Variants in PCSK2 observed in about 807,000 individuals in gnomAD.
The protein encoded by PCSK2 is neuroendocrine convertase 2.
In PCSK2, 14 loss-of-function variants were observed where a neutral mutation model predicts 69.7. The observed-to-expected ratio is 0.20, with a 90% CI of 0.13 to 0.31. The LOEUF (loss-of-function observed/expected upper bound fraction) is 0.31. Ranked by LOEUF, PCSK2 falls within the 10% of genes least tolerant of loss-of-function variation. The pLI is 1.00. For missense variants in PCSK2, 544 were observed against 842.5 expected, an observed-to-expected ratio of 0.65 and a Z score of 4.39; for synonymous variants, 307 against 320.7, an observed-to-expected ratio of 0.96 and a Z score of 0.46.
chr20:17,421,052 A>T (rs1338518390), intron 6 of PCSK2, among the ~76,000 whole-genome samples: 5 of 152,258 alleles, frequency 3.3e-5, no homozygotes, highest in Non-Finnish European at 1.5e-5. Flanking sequence ...TTTCTCAGAC[A>T]TCTGCTCTCT....
chr20:17,443,819 C>T lies in PCSK2; in HGVS notation c.885+6936C>T, dbSNP rs939823145. On this transcript the variant is annotated intron_variant, in intron 8 of 11. Coordinates refer to ENST00000262545, the MANE Select transcript of PCSK2 (RefSeq NM_002594.5). ...ATTGTCCTGCAAAGCATGCCGAGCC[C>T]GCTGAAGCTTAAGAGAAAAATTGTT... Among the ~76,000 whole-genome samples, 6 of 152,280 alleles carry T rather than the reference C, an allele frequency of 3.9e-5. No individual in the cohort carries two copies. The South Asian group carries it at 1.2e-3, about 32-fold the overall frequency.
At chr20:17,477,743 CA>C (rs2033317125) in intron 11 of PCSK2, among the ~76,000 whole-genome samples, 1 of 152,180 alleles carries the variant, frequency 6.6e-6, no homozygotes, top group African/African-American at 2.4e-5. Context: ...CTCCAAAATT[CA>C]ATGAGTTATG....
At chr20:17,286,169 T>C (rs1988504421) in intron 2 of PCSK2, among the ~76,000 whole-genome samples, 1 of 152,210 alleles carries the variant, frequency 6.6e-6, no homozygotes, top group Non-Finnish European at 1.5e-5. Context: ...AAGGTTTGGA[T>C]AATGAAGTAA....
At chr20:17,443,760 C>A (rs2032642991) in intron 8 of PCSK2, among the ~76,000 whole-genome samples, 2 of 152,150 alleles carry the variant, frequency 1.3e-5, no homozygotes, top group African/African-American at 4.8e-5. Flanking sequence ...CTGTAGCCTC[C>A]CTGGCTGCAG....
intron 7 of PCSK2, 131 bp from the exon 8 acceptor site, chr20:17,436,577 G>T (rs912938674): frequency 2.7e-5 from 19 of 697,826 alleles, no homozygotes; most frequent in Non-Finnish European, 4.6e-5. Context: ...TCCCTGGACT[G>T]CACAGTGGCC....
Position 17,312,826 on chromosome 20 carries a change from A to G in PCSK2, c.283-45501A>G, listed in dbSNP as rs1383237997. On this transcript the variant is annotated intron_variant, in intron 2 of 11. Coordinates refer to ENST00000262545, the MANE Select transcript of PCSK2 (RefSeq NM_002594.5). Reference sequence around the variant, plus strand: ...ACAATTAAACTAGGAAATAGAGCAGATAAACTCTGTGTCTAGAATTCTAAA... The same window carrying G: ...ACAATTAAACTAGGAAATAGAGCAGGTAAACTCTGTGTCTAGAATTCTAAA... 2.6e-5 allele frequency among the ~76,000 whole-genome samples: 4 copies of G among 152,276 alleles called. No individual in the cohort carries two copies. In the East Asian group the frequency reaches 7.7e-4, roughly 29 times the overall value.
In PCSK2 at chr20:17,249,341, C is replaced by G. The variant is rs144854171; in HGVS notation, c.178-10899C>G. On this transcript the variant is annotated intron_variant, in intron 1 of 11. Transcript: ENST00000262545. ...CTAACATGGTGAAACCCCGTCTGTACTAAAAATACAAAAAAATTAGCCAGG... is the reference window on the plus strand; with the variant it reads ...CTAACATGGTGAAACCCCGTCTGTAGTAAAAATACAAAAAAATTAGCCAGG... Among the ~76,000 whole-genome samples the G allele has an allele frequency of 9.4e-3, 1,426 of 151,756 alleles. 17 individuals carry two copies. The highest frequency in any genetic ancestry group is 0.032 in the African/African-American group (1,308 of 41,380).
chr20:17,426,529 C>A (rs1415272191), intron 6 of PCSK2, among the ~76,000 whole-genome samples: 2 of 152,112 alleles, frequency 1.3e-5, no homozygotes, highest in Admixed American at 1.3e-4. Context: ...AGAACAGAAC[C>A]AGTAGGATGT....
chr20:17,300,508 G>T (rs1989044236), intron 2 of PCSK2, among the ~76,000 whole-genome samples: 1 of 152,208 alleles, frequency 6.6e-6, no homozygotes. Flanking sequence ...TACAGCCCAA[G>T]TATAGGTTTC....
intron 2 of PCSK2, among the ~76,000 whole-genome samples, chr20:17,266,204 T>G (rs2123011932): frequency 6.6e-6 from 1 of 152,338 alleles, no homozygotes; most frequent in Middle Eastern, 3.4e-3. Flanking sequence ...TCTGCTCAAT[T>G]TGCTTATGCC....
intron 1 of PCSK2, among the ~76,000 whole-genome samples, chr20:17,243,003 GT>G (rs1383054207): frequency 6.6e-6 from 1 of 152,118 alleles, no homozygotes; most frequent in Admixed American, 6.5e-5. Context: ...TTCTTGTTCA[GT>G]AGTTTTGATT....
Position 17,319,478 on chromosome 20 carries a change from A to T in PCSK2, c.283-38849A>T, listed in dbSNP as rs117486361. On this transcript the variant is annotated intron_variant, in intron 2 of 11. Coordinates refer to ENST00000262545, the MANE Select transcript of PCSK2 (RefSeq NM_002594.5). ...AGGTGCAAGGGATTGGGCCCTGTAT[A>T]TCTCCAACAGAGTAGCCCAAGATTG... is the stretch of plus-strand genomic sequence containing the variant. 3.7e-3 allele frequency among the ~76,000 whole-genome samples: 566 copies of T among 152,322 alleles called. 1 individual carries two copies. The highest frequency in any genetic ancestry group is 5.6e-3 in the Non-Finnish European group (384 of 68,026).
At chr20:17,461,257 G>C (rs1274835037) in intron 10 of PCSK2, among the ~76,000 whole-genome samples, 1 of 152,006 alleles carries the variant, frequency 6.6e-6, no homozygotes, top group Admixed American at 6.5e-5. Context: ...GCAAACAAAG[G>C]CTATGGAGAA....
intron 6 of PCSK2, among the ~76,000 whole-genome samples, chr20:17,424,536 A>G (rs929606718): frequency 6.6e-6 from 1 of 152,144 alleles, no homozygotes; most frequent in African/African-American, 2.4e-5. Context: ...TCTGTCGCCC[A>G]GGCTGGAGTG....
At chr20:17,318,089 C>G (rs946866997) in intron 2 of PCSK2, among the ~76,000 whole-genome samples, 5 of 152,234 alleles carry the variant, frequency 3.3e-5, no homozygotes, top group African/African-American at 1.2e-4. Context: ...AGTTGCACGA[C>G]TGGATGTGTT....
intron 2 of PCSK2, among the ~76,000 whole-genome samples, chr20:17,265,911 A>G (rs1458980813): frequency 1.3e-5 from 2 of 152,226 alleles, no homozygotes; most frequent in African/African-American, 4.8e-5. Flanking sequence ...CCACACAGCT[A>G]TAACTGATAG....
At chr20:17,314,570 G>A (rs554310333) in intron 2 of PCSK2, among the ~76,000 whole-genome samples, 1 of 152,350 alleles carries the variant, frequency 6.6e-6, no homozygotes, top group African/African-American at 2.4e-5. Context: ...GTGGCCTAAA[G>A]TGAGGCGTGA....
At chr20:17,425,843 G>A (rs551336805) in intron 6 of PCSK2, among the ~76,000 whole-genome samples, 2 of 151,982 alleles carry the variant, frequency 1.3e-5, no homozygotes, top group African/African-American at 2.4e-5. Context: ...ATTGCCCAAG[G>A]GTAATTTTTA....
chr20:17,465,163 T>C, intron 10 of PCSK2, 163 bp from the exon 11 acceptor site: 1 of 674,476 alleles, frequency 1.5e-6, no homozygotes, highest in Non-Finnish European at 2.7e-6. Flanking sequence ...TGGTTTTGAA[T>C]GGTGCATGGA....
Sources: allele counts gnomAD v4.1 joint callset (sites outside exome capture counted in the v4.1 genomes callset), GRCh38; gene constraint gnomAD v4.1.1; transcripts MANE v1.5; gene names NCBI Gene and HGNC (gene_info 2026-07-23, HGNC 2026-07-21).